LARP1B: variants seen among roughly 807,000 people sequenced by gnomAD.
The protein encoded by LARP1B is La ribonucleoprotein 1B.
In LARP1B, 76 loss-of-function variants were observed where a neutral mutation model predicts 114.2. That is an observed-to-expected ratio of 0.67 (90% CI 0.55 to 0.81). The LOEUF (loss-of-function observed/expected upper bound fraction) is 0.81. LARP1B is among the 30% of genes least tolerant of loss of function. LARP1B has a pLI of 0.00. For missense variants in LARP1B, 1,014 were observed against 1,075.8 expected (o/e 0.94, Z 0.80); for synonymous variants, 345 against 348.0 (o/e 0.99, Z 0.10).
At position 128,206,460 on chromosome 4, in the gene LARP1B, GT is replaced by G; in HGVS notation, c.2344del (p.Tyr782MetfsTer31). The G allele has an allele frequency of 6.2e-7, 1 of 1,612,530 alleles. No individual in the cohort carries two copies. Among genetic ancestry groups the G allele is most frequent in the Non-Finnish European group, 8.5e-7 (1 of 1,179,364 alleles). On this transcript the variant is annotated frameshift_variant, in exon 18 of 20. Transcript: ENST00000326639. LOFTEE classifies it high-confidence loss of function. ...TTAGAATGTCTGTTCAGGTTTTATA[GT>G]TATGGACTGGAAAAAAAATTCAGGC... ...YGLECLFRFY[S>X]YGLEKKFRRE...
intron 11 of LARP1B, among the ~76,000 whole-genome samples, chr4:128,145,579 T>C (rs1314734707): frequency 6.6e-6 from 1 of 152,186 alleles, no homozygotes; most frequent in Non-Finnish European, 1.5e-5. Flanking sequence ...CTGCATAGAT[T>C]GTCTCCAGCG....
intron 3 of LARP1B, among the ~76,000 whole-genome samples, chr4:128,076,317 A>G (rs1025246704): frequency 6.6e-6 from 1 of 152,172 alleles, no homozygotes; most frequent in Non-Finnish European, 1.5e-5. Context: ...ATCTCGTTGT[A>G]TTCTTAAGAG....
chr4:128,176,301 ATT>A (rs1306057256), intron 12 of LARP1B, among the ~76,000 whole-genome samples: 1,108 of 103,882 alleles, frequency 0.011, 10 homozygotes, highest in East Asian at 0.062. Flanking sequence ...ATATATATAT[ATT>A]TTTTTTTTAG....
chr4:128,071,321 A>G (rs1765247110), intron 1 of LARP1B, among the ~76,000 whole-genome samples: 1 of 152,120 alleles, frequency 6.6e-6, no homozygotes, highest in Non-Finnish European at 1.5e-5. Flanking sequence ...CTGGGATTAC[A>G]GGCGTGAGCC....
At chr4:128,176,277 GTGTGTGTGTA>G (rs1746068113) in intron 12 of LARP1B, among the ~76,000 whole-genome samples, 1 of 114,240 alleles carries the variant, frequency 8.8e-6, no homozygotes, top group African/African-American at 4.1e-5. Context: ...ATATGTGTGT[GTGTGTGTGTA>G]TATATATATA....
At chr4:128,130,097 A>C (rs1042944535) in intron 11 of LARP1B, among the ~76,000 whole-genome samples, 2 of 152,210 alleles carry the variant, frequency 1.3e-5, no homozygotes, top group Non-Finnish European at 2.9e-5. Context: ...TCATGCCTAT[A>C]ATCTCAGTAC....
chr4:128,101,806 A>G (rs1055754466), intron 8 of LARP1B, among the ~76,000 whole-genome samples: 16 of 151,944 alleles, frequency 1.1e-4, no homozygotes, highest in Middle Eastern at 3.4e-3. Flanking sequence ...AACTGCTGCC[A>G]TTGTGCTATA....
At chr4:128,112,354 G>C (rs1214523583) in intron 9 of LARP1B, among the ~76,000 whole-genome samples, 1 of 151,472 alleles carries the variant, frequency 6.6e-6, no homozygotes, top group Non-Finnish European at 1.5e-5. Flanking sequence ...TAGCGGGGTT[G>C]GGAGTACCTG....
chr4:128,143,403 A>AT (rs1728901127), intron 11 of LARP1B, among the ~76,000 whole-genome samples: 2 of 152,242 alleles, frequency 1.3e-5, no homozygotes, highest in East Asian at 3.8e-4. Flanking sequence ...CCAGGGATTC[A>AT]TTCATTAACA....
intron 11 of LARP1B, among the ~76,000 whole-genome samples, chr4:128,154,230 G>A (rs1369393036): frequency 1.3e-5 from 2 of 152,142 alleles, no homozygotes; most frequent in South Asian, 2.1e-4. Flanking sequence ...GGTGTACTTT[G>A]CTCTGTGTTA....
At chr4:128,110,656 G>A (rs1404700567) in intron 9 of LARP1B, among the ~76,000 whole-genome samples, 3 of 55,332 alleles carry the variant, frequency 5.4e-5, no homozygotes, top group South Asian at 5.8e-4. Context: ...CAGCCTGGGC[G>A]ACAGAGCGAG....
chr4:128,080,882 C>G (rs1021493112), intron 4 of LARP1B, among the ~76,000 whole-genome samples: 10 of 151,852 alleles, frequency 6.6e-5, no homozygotes, highest in African/African-American at 2.4e-4. Context: ...TGTAAAAATC[C>G]TGGGTAAATT....
chr4:128,118,389 G>A (rs1040203459), intron 10 of LARP1B, among the ~76,000 whole-genome samples: 40 of 151,154 alleles, frequency 2.6e-4, no homozygotes, highest in African/African-American at 3.4e-4. Context: ...TTGCCACCAC[G>A]CCCAGCTAAT....
At chr4:128,143,898 A>C (rs902290882) in intron 11 of LARP1B, among the ~76,000 whole-genome samples, 13 of 151,948 alleles carry the variant, frequency 8.6e-5, no homozygotes, top group African/African-American at 2.9e-4. Flanking sequence ...GTGTAAAGAG[A>C]GAATGGAAGA....
intron 3 of LARP1B, among the ~76,000 whole-genome samples, chr4:128,076,727 T>G (rs1031938113): frequency 6.6e-6 from 1 of 151,950 alleles, no homozygotes; most frequent in Non-Finnish European, 1.5e-5. Flanking sequence ...CTCACTCTCT[T>G]TTTTGTGTGT....
chr4:128,096,030 G>A (rs1194757359), intron 7 of LARP1B, among the ~76,000 whole-genome samples: 1 of 124,556 alleles, frequency 8.0e-6, no homozygotes, highest in African/African-American at 3.1e-5. Flanking sequence ...GTCTCGCTCT[G>A]TTGCCCAGGC....
At chr4:128,063,576 T>TC (rs1579591870) in intron 1 of LARP1B, among the ~76,000 whole-genome samples, 1 of 151,216 alleles carries the variant, frequency 6.6e-6, no homozygotes, top group African/African-American at 2.4e-5. Context: ...GGTCAGGAGT[T>TC]CAAGACCATC....
At chr4:128,083,131 G>T (rs922674312) in intron 5 of LARP1B, among the ~76,000 whole-genome samples, 1 of 152,134 alleles carries the variant, frequency 6.6e-6, no homozygotes, top group African/African-American at 2.4e-5. Context: ...ACAGGGTTGG[G>T]GGTAAGGTCA....
chr4:128,175,026 A>C (rs1274390555), intron 12 of LARP1B, among the ~76,000 whole-genome samples: 1 of 152,080 alleles, frequency 6.6e-6, no homozygotes. Context: ...TTAATCTATA[A>C]TGATTTCTCT....
Sources: allele counts gnomAD v4.1 joint callset (sites outside exome capture counted in the v4.1 genomes callset), GRCh38; gene constraint gnomAD v4.1.1; transcripts MANE v1.5; gene names NCBI Gene and HGNC (gene_info 2026-07-23, HGNC 2026-07-21).